WWOX: variants seen among roughly 807,000 people sequenced by gnomAD.
The protein encoded by WWOX is WW domain-containing oxidoreductase.
Under a neutral mutation model 46.2 loss-of-function variants are expected in WWOX, and 69 were observed. The ratio of observed to expected loss-of-function variants is 1.49; its 90% CI spans 1.23 to 1.82. The LOEUF (loss-of-function observed/expected upper bound fraction) is 1.82, where lower values mean the gene tolerates loss of function less well. Ranked by LOEUF, WWOX falls within the 40% of genes most tolerant of loss-of-function variation. The pLI is 0.00. For synonymous variants in WWOX, 359 were observed against 202.6 expected, an observed-to-expected ratio of 1.77 and a Z score of -6.56; for missense variants, 919 against 542.6, an observed-to-expected ratio of 1.69 and a Z score of -6.89.
In WWOX at chr16:79,033,650, C is replaced by G. The variant is rs1312716144; in HGVS notation, c.1057-177958C>G. On this transcript the variant is annotated intron_variant, in intron 8 of 8. Coordinates refer to ENST00000566780, the MANE Select transcript of WWOX (RefSeq NM_016373.4). ...ATTGTTGTGCTAACATCATGACCAT[C>G]CATCTCCAGAATGATTTTCATCGTG... 4.6e-5 allele frequency among the ~76,000 whole-genome samples: 7 copies of G among 152,242 alleles called. No homozygotes were observed. In the East Asian group the frequency reaches 1.4e-3, roughly 29 times the overall value.
intron 8 of WWOX, among the ~76,000 whole-genome samples, chr16:78,508,873 C>G (rs1440348400): frequency 6.6e-6 from 1 of 152,228 alleles, no homozygotes; most frequent in Non-Finnish European, 1.5e-5. Context: ...AACCTACCAA[C>G]TCTTTTCAGG....
At chr16:78,681,126 G>C (rs544152318) in intron 8 of WWOX, among the ~76,000 whole-genome samples, 1 of 152,342 alleles carries the variant, frequency 6.6e-6, no homozygotes, top group East Asian at 1.9e-4. Context: ...GCGCATGCCT[G>C]TAGTCCCAGC....
chr16:78,589,178 G>C (rs1238450789), intron 8 of WWOX, among the ~76,000 whole-genome samples: 1 of 152,212 alleles, frequency 6.6e-6, no homozygotes, highest in Non-Finnish European at 1.5e-5. Context: ...AGCATATGGA[G>C]TGTTGTTTGT....
intron 8 of WWOX, among the ~76,000 whole-genome samples, chr16:79,154,503 CAAAAAAA>C (rs67379862): frequency 2.3e-5 from 2 of 88,160 alleles, no homozygotes; most frequent in Admixed American, 1.3e-4. Flanking sequence ...TCCTCTTTTG[CAAAAAAA>C]AAAAAAAAAA....
chr16:78,956,026 A>T (rs907600933), intron 8 of WWOX, among the ~76,000 whole-genome samples: 8 of 152,076 alleles, frequency 5.3e-5, no homozygotes, highest in Non-Finnish European at 1.2e-4. Context: ...TTTTTTTAGA[A>T]CTGTTTTAGT....
Position 78,768,593 on chromosome 16 carries a change from GAAA to G in WWOX, c.1056+335854_1056+335856del, listed in dbSNP as rs34788836. 4.5e-5 allele frequency among the ~76,000 whole-genome samples: 6 copies of G among 133,290 alleles called. No homozygotes were observed. In the East Asian group the frequency reaches 6.4e-4, roughly 14 times the overall value. 87.4% of individuals were successfully genotyped at this position (133,290 alleles called of 152,430 possible). On this transcript the variant is annotated intron_variant, in intron 8 of 8. Coordinates refer to ENST00000566780, the MANE Select transcript of WWOX (RefSeq NM_016373.4). ...TGACACAGTGAGACTTCATCTCGAGGAAAAAAAAAAAAAAAGGCTTTGGAGCTT... is the reference window on the plus strand; with the variant it reads ...TGACACAGTGAGACTTCATCTCGAGGAAAAAAAAAAAAGGCTTTGGAGCTT...
At chr16:79,193,418 T>C (rs565482403) in intron 8 of WWOX, among the ~76,000 whole-genome samples, 5 of 152,248 alleles carry the variant, frequency 3.3e-5, no homozygotes, top group African/African-American at 1.2e-4. Context: ...CACTGAAACT[T>C]GAATCAAAAA....
At chr16:78,307,859 G>A (rs981681376) in intron 5 of WWOX, among the ~76,000 whole-genome samples, 1 of 152,056 alleles carries the variant, frequency 6.6e-6, no homozygotes, top group Non-Finnish European at 1.5e-5. Context: ...TAGATGTCTA[G>A]CATGTTAAAG....
chr16:78,411,519 G>C (rs2082679984), intron 6 of WWOX, among the ~76,000 whole-genome samples: 1 of 152,170 alleles, frequency 6.6e-6, no homozygotes. Flanking sequence ...TGATTCACCT[G>C]CCTGGAGCTT....
At chr16:78,415,209 T>G (rs1039674181) in intron 6 of WWOX, among the ~76,000 whole-genome samples, 1 of 151,940 alleles carries the variant, frequency 6.6e-6, no homozygotes, top group African/African-American at 2.4e-5. Flanking sequence ...CTTCCCCTTT[T>G]TAGACCATAT....
intron 8 of WWOX, among the ~76,000 whole-genome samples, chr16:78,910,509 T>G (rs1009624264): frequency 1.2e-4 from 3 of 26,034 alleles, no homozygotes; most frequent in African/African-American, 4.7e-4. Context: ...ATCTTTTGTT[T>G]TTTTTTTTTT....
intron 8 of WWOX, among the ~76,000 whole-genome samples, chr16:78,596,861 G>A (rs1282074355): frequency 6.6e-6 from 1 of 152,088 alleles, no homozygotes; most frequent in East Asian, 1.9e-4. Flanking sequence ...TGGCTTTGAG[G>A]GTTGGAGATC....
intron 8 of WWOX, among the ~76,000 whole-genome samples, chr16:78,629,663 A>C (rs903534325): frequency 1.3e-5 from 2 of 152,182 alleles, no homozygotes; most frequent in African/African-American, 2.4e-5. Flanking sequence ...GGGCCTTTGC[A>C]CAGGCTCTTG....
At chr16:79,001,670 G>T (rs891500699) in intron 8 of WWOX, among the ~76,000 whole-genome samples, 15 of 151,844 alleles carry the variant, frequency 9.9e-5, no homozygotes, top group African/African-American at 3.6e-4. Context: ...GCTGGTGGCA[G>T]GGGGAGAGAT....
At chr16:78,152,878 C>T (rs1392987789) in intron 4 of WWOX, among the ~76,000 whole-genome samples, 1 of 148,730 alleles carries the variant, frequency 6.7e-6, no homozygotes, top group Non-Finnish European at 1.5e-5. Context: ...ATGAACTGAC[C>T]CGTTTCCCAC....
chr16:78,178,262 T>A (rs989041878), intron 5 of WWOX, among the ~76,000 whole-genome samples: 1 of 152,246 alleles, frequency 6.6e-6, no homozygotes, highest in Non-Finnish European at 1.5e-5. Context: ...CTGTGCTGTC[T>A]GCAGTTACTA....
At chr16:78,696,154 C>A (rs2048094481) in intron 8 of WWOX, among the ~76,000 whole-genome samples, 1 of 152,136 alleles carries the variant, frequency 6.6e-6, no homozygotes, top group Non-Finnish European at 1.5e-5. Context: ...AATACGGTGT[C>A]CCTGCCTACC....
chr16:78,775,537 T>C (rs1262522821), intron 8 of WWOX, among the ~76,000 whole-genome samples: 1 of 152,114 alleles, frequency 6.6e-6, no homozygotes, highest in Non-Finnish European at 1.5e-5. Context: ...AGGGAGAGTA[T>C]GGGCTTTGAA....
chr16:78,532,502 G>A (rs568007979), intron 8 of WWOX, among the ~76,000 whole-genome samples: 109 of 152,264 alleles, frequency 7.2e-4, no homozygotes, highest in South Asian at 3.3e-3. Flanking sequence ...GTGTTGATAA[G>A]AAACAGCAGG....
Sources: allele counts gnomAD v4.1 joint callset (sites outside exome capture counted in the v4.1 genomes callset), GRCh38; gene constraint gnomAD v4.1.1; transcripts MANE v1.5; gene names NCBI Gene and HGNC (gene_info 2026-07-23, HGNC 2026-07-21).